The following PAG1 variants were observed in gnomAD, a reference collection of about 807,000 sequenced individuals.
The protein encoded by PAG1 is phosphoprotein associated with glycosphingolipid-enriched microdomains 1.
A neutral mutation model predicts 31.7 loss-of-function variants in PAG1; 23 were observed. The ratio of observed to expected loss-of-function variants is 0.73; its 90% confidence interval spans 0.52 to 1.03. The LOEUF is 1.03. Among genes scored for constraint, PAG1 ranks in the 50% least tolerant of loss-of-function variants. The pLI is 0.00. For synonymous variants in PAG1, 214 were observed against 210.3 expected (o/e 1.02, Z -0.15); for missense variants, 473 against 540.7 (o/e 0.87, Z 1.24).
intron 2 of PAG1, among the ~76,000 whole-genome samples, chr8:81,041,996 T>C: frequency 6.6e-6 from 1 of 152,256 alleles, no homozygotes; most frequent in East Asian, 1.9e-4. Flanking sequence ...CCCCTTTATC[T>C]ACCAAACTTC....
At position 80,972,503 on chromosome 8, in the gene PAG1, T is replaced by A. The variant is rs1030715506; in HGVS notation, c.*4041A>T. The A allele has an allele frequency of 6.6e-6, 1 of 152,226 alleles. No homozygotes were observed. The highest frequency in any genetic ancestry group is 2.4e-5 in the African/African-American group (1 of 41,452). The allele number at this position is 152,226 out of a possible 1,614,324, so 9.4% of individuals were successfully genotyped here. ...AATTTTAAAAGGGAATGAAACAGAATGCCACAGGTGACCGACCTCTGCTCC... is the reference window on the plus strand; with the variant it reads ...AATTTTAAAAGGGAATGAAACAGAAAGCCACAGGTGACCGACCTCTGCTCC... On this transcript the variant is annotated 3_prime_UTR_variant, in exon 9 of 9. Coordinates refer to ENST00000220597, the MANE Select transcript of PAG1 (RefSeq NM_018440.4).
At chr8:81,108,168 C>T (rs779568277) in intron 1 of PAG1, among the ~76,000 whole-genome samples, 83 of 150,560 alleles carry the variant, frequency 5.5e-4, no homozygotes, top group Non-Finnish European at 8.3e-4. Context: ...GAACCTCATT[C>T]AAGTCACAAA....
chr8:81,019,945 C>T (rs1048183089), intron 3 of PAG1, among the ~76,000 whole-genome samples: 5 of 152,122 alleles, frequency 3.3e-5, no homozygotes, highest in African/African-American at 7.2e-5. Flanking sequence ...GGGGTGGAGC[C>T]GCCCAAGGCC....
intron 1 of PAG1, among the ~76,000 whole-genome samples, chr8:81,080,078 A>G (rs1178027471): frequency 3.9e-5 from 6 of 152,106 alleles, no homozygotes; most frequent in African/African-American, 1.2e-4. Flanking sequence ...CACAAAATCA[A>G]TTTATAAGCA....
Position 81,038,977 on chromosome 8 carries a change from T to A in PAG1, c.-174-8888A>T, listed in dbSNP as rs560291172. On this transcript the variant is annotated intron_variant, in intron 2 of 8. Coordinates refer to ENST00000220597, the MANE Select transcript of PAG1 (RefSeq NM_018440.4). ...GGGAAATGACACATGAACTAATGTA[T>A]GTTTAAACACCCTAACAAGAGTTTT... 1.2e-4 allele frequency among the ~76,000 whole-genome samples: 18 copies of A among 152,314 alleles called. No homozygotes were observed. In the East Asian group the frequency reaches 3.3e-3, roughly 28 times the overall value.
rs1253850170 is a variant in PAG1 at position 80,990,138 on chromosome 8, G to A, written c.177+1341C>T. Among the ~76,000 whole-genome samples the A allele has an allele frequency of 1.3e-5, 2 of 151,938 alleles. No homozygotes were observed. The highest frequency in any genetic ancestry group is 1.3e-4 in the Admixed American group (2 of 15,276). On this transcript the variant is annotated intron_variant, in intron 5 of 8. Coordinates refer to ENST00000220597, the MANE Select transcript of PAG1 (RefSeq NM_018440.4). The surrounding 1 kb of genome is among the most constrained non-coding windows in gnomAD (Gnocchi z 5.1). Reference sequence around the variant, plus strand: ...GGCGACAATGTGGACAACCAGGGATGGGAACAGGGCGAGAAACAGAGTAAA... The same window carrying A: ...GGCGACAATGTGGACAACCAGGGATAGGAACAGGGCGAGAAACAGAGTAAA...
intron 1 of PAG1, among the ~76,000 whole-genome samples, chr8:81,099,249 A>G (rs1437710675): frequency 1.3e-5 from 2 of 152,240 alleles, no homozygotes; most frequent in African/African-American, 4.8e-5. Flanking sequence ...CCAAACAGGC[A>G]TGTTCTCCAG....
At chr8:80,991,669 A>G in intron 4 of PAG1, 139 bp from the exon 5 acceptor site, 1 of 708,854 alleles carries the variant, frequency 1.4e-6, no homozygotes, top group Non-Finnish European at 2.5e-6. Flanking sequence ...AACAAAGACA[A>G]AATCAGACAG....
chr8:81,013,290 A>T (rs1368436424), intron 3 of PAG1, among the ~76,000 whole-genome samples: 4 of 152,118 alleles, frequency 2.6e-5, no homozygotes, highest in East Asian at 1.9e-4. Context: ...TTCATTTCCC[A>T]TCAGGTTGCC....
rs71266099 is a variant in PAG1 at position 81,029,364 on chromosome 8, TCACA to T, written c.-81+628_-81+631del. 5.5e-5 allele frequency among the ~76,000 whole-genome samples: 8 copies of T among 145,586 alleles called. No homozygotes were observed. The East Asian group carries it at 6.0e-4, about 11-fold the overall frequency. On this transcript the variant is annotated intron_variant, in intron 3 of 8. Coordinates refer to ENST00000220597, the MANE Select transcript of PAG1 (RefSeq NM_018440.4). Reference sequence around the variant, plus strand: ...TCTTTGGTCTCTCTCTCTCTCTCTCTCACACACACACACACACACACACACCCCT... The same window carrying T: ...TCTTTGGTCTCTCTCTCTCTCTCTCTCACACACACACACACACACACCCCT...
chr8:80,979,300 G>A (rs1563613895), intron 8 of PAG1, among the ~76,000 whole-genome samples: 1 of 152,200 alleles, frequency 6.6e-6, no homozygotes, highest in African/African-American at 2.4e-5. Context: ...AAAACAGAGT[G>A]GAGGGAGGCC....
intron 3 of PAG1, among the ~76,000 whole-genome samples, chr8:81,014,615 G>A (rs1808041463): frequency 6.6e-6 from 1 of 152,142 alleles, no homozygotes; most frequent in South Asian, 2.1e-4. Flanking sequence ...GTTGTTAACA[G>A]CAAATGACTC....
At chr8:81,002,967 A>C (rs987706340) in intron 3 of PAG1, among the ~76,000 whole-genome samples, 1 of 152,194 alleles carries the variant, frequency 6.6e-6, no homozygotes, top group Non-Finnish European at 1.5e-5. Context: ...CAGATGACTC[A>C]AGGGGTGTGA....
At position 80,974,237 on chromosome 8, in the gene PAG1, G is replaced by A. The variant is rs561366350; in HGVS notation, c.*2307C>T. On this transcript the variant is annotated 3_prime_UTR_variant, in exon 9 of 9. Coordinates refer to ENST00000220597, the MANE Select transcript of PAG1 (RefSeq NM_018440.4). ...AAGTAAGGCATGAAATGAAACAAAA[G>A]TTTTGAGCTGTAAGGTGCCTATAAA... The A allele has an allele frequency of 7.3e-6, 1 of 137,466 alleles. No homozygotes were observed. Among genetic ancestry groups the A allele is most frequent in the East Asian group, 2.2e-4 (1 of 4,502 alleles). The allele number at this position is 137,466 out of a possible 1,614,324, so 8.5% of individuals were successfully genotyped here.
intron 5 of PAG1, among the ~76,000 whole-genome samples, chr8:80,989,712 G>A (rs781070849): frequency 3.9e-5 from 6 of 152,114 alleles, no homozygotes; most frequent in African/African-American, 1.2e-4. Flanking sequence ...GTAGAACAGC[G>A]GGAACCCAAG....
intron 2 of PAG1, among the ~76,000 whole-genome samples, chr8:81,034,453 G>A (rs1342004284): frequency 6.6e-6 from 1 of 152,174 alleles, no homozygotes; most frequent in Admixed American, 6.5e-5. Flanking sequence ...TTTCCCACAT[G>A]CAAACATCAT....
At chr8:81,105,937 C>T (rs1009088254) in intron 1 of PAG1, among the ~76,000 whole-genome samples, 1 of 152,094 alleles carries the variant, frequency 6.6e-6, no homozygotes, top group African/African-American at 2.4e-5. Flanking sequence ...ATCAAGAGAA[C>T]CTGATTACTT....
At chr8:81,079,851 C>A (rs915134222) in intron 1 of PAG1, among the ~76,000 whole-genome samples, 1 of 151,936 alleles carries the variant, frequency 6.6e-6, no homozygotes, top group East Asian at 1.9e-4. Flanking sequence ...TCACTATAGC[C>A]TCAACCTCCC....
chr8:81,056,897 A>C (rs1325326130), intron 2 of PAG1, among the ~76,000 whole-genome samples: 11 of 152,206 alleles, frequency 7.2e-5, no homozygotes, highest in Non-Finnish European at 1.5e-4. Context: ...ACCCCATCAA[A>C]AAGTGGGCAA....
Sources: gnomAD v4.1 joint callset for allele counts (sites outside exome capture counted in the v4.1 genomes callset) on GRCh38, gnomAD v4.1.1 for gene constraint, Gnocchi (gnomAD v3.1) non-coding constraint, MANE v1.5 for transcripts, NCBI Gene and HGNC (gene_info 2026-07-23, HGNC 2026-07-21) for gene names.